ZNF385D: variants seen among roughly 807,000 people sequenced by gnomAD.
The protein encoded by ZNF385D is zinc finger protein 659.
Under a neutral mutation model 35.8 loss-of-function variants are expected in ZNF385D, and 15 were observed. The observed-to-expected ratio is 0.42, with a 90% confidence interval of 0.28 to 0.64. The LOEUF is 0.64. ZNF385D is among the 30% of genes least tolerant of loss of function. The pLI, the probability that ZNF385D is intolerant of heterozygous loss-of-function variation, is 0.23. For synonymous variants in ZNF385D, 212 were observed against 186.8 expected (o/e 1.13, Z -1.10); for missense variants, 474 against 494.6 (o/e 0.96, Z 0.39).
At chr3:21,603,930 G>T (rs2064398525) in intron 2 of ZNF385D, among the ~76,000 whole-genome samples, 1 of 152,156 alleles carries the variant, frequency 6.6e-6, no homozygotes, top group Non-Finnish European at 1.5e-5. Flanking sequence ...AGGAGTAGAA[G>T]TAGCTTATCT....
intron 2 of ZNF385D, among the ~76,000 whole-genome samples, chr3:22,180,521 A>T (rs566022936): frequency 2.6e-5 from 4 of 152,218 alleles, no homozygotes; most frequent in Non-Finnish European, 5.9e-5. Flanking sequence ...ATGAACATCG[A>T]TGCAAAAATC....
At chr3:22,323,385 G>GA (rs1343273508) in intron 2 of ZNF385D, among the ~76,000 whole-genome samples, 9 of 152,284 alleles carry the variant, frequency 5.9e-5, no homozygotes, top group African/African-American at 2.2e-4. Flanking sequence ...GTAAGTAGAT[G>GA]AGACTGGGAA....
chr3:22,237,730 G>A (rs1476937958), intron 2 of ZNF385D, among the ~76,000 whole-genome samples: 1 of 152,050 alleles, frequency 6.6e-6, no homozygotes, highest in Non-Finnish European at 1.5e-5. Context: ...TAGAACCTCC[G>A]CCTCACAGGT....
intron 3 of ZNF385D, among the ~76,000 whole-genome samples, chr3:21,518,062 A>G (rs540001504): frequency 6.6e-6 from 1 of 152,256 alleles, no homozygotes; most frequent in Non-Finnish European, 1.5e-5. Flanking sequence ...AAGTTTAAAA[A>G]CTATTCATCT....
intron 2 of ZNF385D, among the ~76,000 whole-genome samples, chr3:22,191,013 G>A (rs1695983727): frequency 6.6e-6 from 1 of 151,964 alleles, no homozygotes; most frequent in South Asian, 2.1e-4. Context: ...AGAAATACGT[G>A]TGTTTTTAAA....
chr3:21,910,975 G>T (rs1298352920), intron 3 of ZNF385D, among the ~76,000 whole-genome samples: 1 of 151,868 alleles, frequency 6.6e-6, no homozygotes, highest in Non-Finnish European at 1.5e-5. Context: ...AAACTACATA[G>T]TATTTTCTAA....
intron 1 of ZNF385D, among the ~76,000 whole-genome samples, chr3:21,690,147 AATAAAT>A (rs1218435648): frequency 2.0e-5 from 3 of 152,174 alleles, no homozygotes; most frequent in African/African-American, 4.8e-5. Context: ...GTTCTCACTA[AATAAAT>A]ATAATTTTAA....
At chr3:22,219,742 T>G (rs1242954009) in intron 2 of ZNF385D, among the ~76,000 whole-genome samples, 2 of 152,172 alleles carry the variant, frequency 1.3e-5, no homozygotes, top group African/African-American at 2.4e-5. Context: ...AAATATGTGA[T>G]TTATACTAAA....
chr3:21,676,955 A>T (rs1340249402), intron 1 of ZNF385D, among the ~76,000 whole-genome samples: 1 of 152,086 alleles, frequency 6.6e-6, no homozygotes, highest in Non-Finnish European at 1.5e-5. Flanking sequence ...TATAGGATTT[A>T]CAAATCCAGA....
chr3:22,245,608 ATG>A (rs1471347111), intron 2 of ZNF385D, among the ~76,000 whole-genome samples: 1 of 152,040 alleles, frequency 6.6e-6, no homozygotes, highest in African/African-American at 2.4e-5. Flanking sequence ...AAAATGGAAA[ATG>A]TGTTTCAGAT....
At chr3:22,131,532 G>C (rs1703787259) in intron 3 of ZNF385D, among the ~76,000 whole-genome samples, 1 of 152,086 alleles carries the variant, frequency 6.6e-6, no homozygotes, top group Non-Finnish European at 1.5e-5. Context: ...ACCCAGTAGA[G>C]AATGAAAAAT....
At chr3:21,895,245 C>T (rs1699071870) in intron 3 of ZNF385D, among the ~76,000 whole-genome samples, 1 of 147,484 alleles carries the variant, frequency 6.8e-6, no homozygotes, top group Non-Finnish European at 1.5e-5. Context: ...GGAGTCAGAA[C>T]ATGGCGGACA....
At chr3:22,299,965 T>C (rs1319819578) in intron 2 of ZNF385D, among the ~76,000 whole-genome samples, 3 of 151,874 alleles carry the variant, frequency 2.0e-5, no homozygotes, top group African/African-American at 7.2e-5. Context: ...ATATCTAAAA[T>C]TCATATGGAA....
At chr3:21,878,465 T>C (rs560993599) in intron 3 of ZNF385D, among the ~76,000 whole-genome samples, 2 of 152,038 alleles carry the variant, frequency 1.3e-5, no homozygotes, top group East Asian at 1.9e-4. Flanking sequence ...GTTTTGTGTA[T>C]GTTTACAGAA....
intron 3 of ZNF385D, among the ~76,000 whole-genome samples, chr3:21,963,852 A>G (rs1183702684): frequency 6.6e-6 from 1 of 152,142 alleles, no homozygotes; most frequent in Non-Finnish European, 1.5e-5. Context: ...TGGTGATGAC[A>G]CTGATCAAAA....
chr3:21,649,421 ACAT>A (rs763515810), intron 2 of ZNF385D, among the ~76,000 whole-genome samples: 3 of 152,136 alleles, frequency 2.0e-5, no homozygotes, highest in Non-Finnish European at 4.4e-5. Flanking sequence ...TAGCAGGATG[ACAT>A]CATGAAAATT....
At chr3:21,935,303 TAACA>T (rs1303393017) in intron 3 of ZNF385D, among the ~76,000 whole-genome samples, 2 of 152,192 alleles carry the variant, frequency 1.3e-5, no homozygotes, top group African/African-American at 2.4e-5. Flanking sequence ...TCGTTTTATG[TAACA>T]AACACTTCTG....
At chr3:21,962,869 T>C (rs939019922) in intron 3 of ZNF385D, among the ~76,000 whole-genome samples, 2 of 152,226 alleles carry the variant, frequency 1.3e-5, no homozygotes, top group African/African-American at 4.8e-5. Flanking sequence ...GATTTTCATG[T>C]TGCAAGACAT....
At chr3:22,043,805 T>C (rs1698820303) in intron 3 of ZNF385D, among the ~76,000 whole-genome samples, 1 of 152,104 alleles carries the variant, frequency 6.6e-6, no homozygotes, top group Non-Finnish European at 1.5e-5. Context: ...GCTATAAAAA[T>C]CTGATGAAAA....
Sources: allele counts gnomAD v4.1 joint callset (sites outside exome capture counted in the v4.1 genomes callset), GRCh38; gene constraint gnomAD v4.1.1; transcripts MANE v1.5; gene names NCBI Gene and HGNC (gene_info 2026-07-23, HGNC 2026-07-21).